The following SLCO3A1 variants were observed in gnomAD, a reference collection of about 807,000 sequenced individuals.
The protein encoded by SLCO3A1 is solute carrier organic anion transporter family member 3A1.
A neutral mutation model predicts 63.1 loss-of-function variants in SLCO3A1; 27 were observed. The observed-to-expected ratio is 0.43, with a 90% CI of 0.32 to 0.59. The LOEUF (loss-of-function observed/expected upper bound fraction) is 0.59, where lower values mean the gene tolerates loss of function less well. Among genes scored for constraint, SLCO3A1 ranks in the 20% least tolerant of loss-of-function variants. The pLI is 0.09. For missense variants in SLCO3A1, 773 were observed against 945.8 expected (o/e 0.82, Z 2.40); for synonymous variants, 473 against 409.9 (o/e 1.15, Z -1.86).
chr15:92,063,716 G>T lies in SLCO3A1; in HGVS notation c.647-31165G>T, dbSNP rs139877820. Reference sequence around the variant, plus strand: ...AATACAAAAATTAGCCAGGCATGGTGGCGCGTACCTGTAGTCCCAGCTACT... The same window carrying T: ...AATACAAAAATTAGCCAGGCATGGTTGCGCGTACCTGTAGTCCCAGCTACT... On this transcript the variant is annotated intron_variant, in intron 2 of 9. Transcript: ENST00000318445. Among the ~76,000 whole-genome samples, 16 of 152,280 alleles carry T rather than the reference G, an allele frequency of 1.1e-4. No individual in the cohort carries two copies. In the East Asian group the frequency reaches 3.1e-3, roughly 29 times the overall value.
chr15:92,168,520 G>C (rs2048505065), downstream of SLCO3A1, among the ~76,000 whole-genome samples: 1 of 152,246 alleles, frequency 6.6e-6, no homozygotes, highest in Non-Finnish European at 1.5e-5. Context: ...CGGTGACTGA[G>C]GGAAGGCCAT....
At chr15:92,140,769 A>C (rs749980571) in intron 7 of SLCO3A1, among the ~76,000 whole-genome samples, 12 of 152,134 alleles carry the variant, frequency 7.9e-5, no homozygotes, top group Non-Finnish European at 1.8e-4. Context: ...TTGTTGGTTT[A>C]AAGTCTGTTT....
At chr15:92,120,314 G>A (rs2047848225) in intron 4 of SLCO3A1, 151 bp from the exon 5 acceptor site, 2 of 707,608 alleles carry the variant, frequency 2.8e-6, no homozygotes, top group East Asian at 5.2e-5. Context: ...ATGGGGTGTA[G>A]ATTTTGGCCT....
chr15:92,011,102 C>T (rs1034650783), intron 2 of SLCO3A1, among the ~76,000 whole-genome samples: 1 of 152,210 alleles, frequency 6.6e-6, no homozygotes, highest in Non-Finnish European at 1.5e-5. Context: ...TGCCACACTC[C>T]TCTTCTCTCA....
At chr15:91,874,427 C>T (rs1179075933) in intron 1 of SLCO3A1, among the ~76,000 whole-genome samples, 3 of 152,210 alleles carry the variant, frequency 2.0e-5, no homozygotes, top group African/African-American at 7.2e-5. Context: ...CCCCTTCCCC[C>T]AGCCCTGGCC....
At chr15:91,902,803 C>T (rs141922110) in intron 1 of SLCO3A1, among the ~76,000 whole-genome samples, 99 of 152,230 alleles carry the variant, frequency 6.5e-4, no homozygotes, top group African/African-American at 2.3e-3. Flanking sequence ...ACTCTGGCAC[C>T]GGATTGCCTG....
chr15:92,157,044 G>GTTATGCATTGAAATATA (rs2048379701), intron 9 of SLCO3A1: 1 of 152,096 alleles, frequency 6.6e-6, no homozygotes, highest in African/African-American at 2.4e-5. Flanking sequence ...TGTGCAGCAA[G>GTTATGCATTGAAATATA]TTATGCATTG....
intron 1 of SLCO3A1, among the ~76,000 whole-genome samples, chr15:91,893,002 G>A (rs750708564): frequency 1.3e-5 from 2 of 152,186 alleles, no homozygotes; most frequent in African/African-American, 2.4e-5. Context: ...AGTAATAGGT[G>A]CTGAATAAGG....
intron 6 of SLCO3A1, among the ~76,000 whole-genome samples, chr15:92,128,123 T>C (rs1359013268): frequency 6.6e-6 from 1 of 152,122 alleles, no homozygotes. Flanking sequence ...GCTGGCATCA[T>C]TGGCCAGGGC....
chr15:92,074,015 C>T (rs531210573), intron 2 of SLCO3A1, among the ~76,000 whole-genome samples: 1 of 152,242 alleles, frequency 6.6e-6, no homozygotes, highest in Admixed American at 6.5e-5. Flanking sequence ...ACTAAAAGTA[C>T]AAAAAATTAG....
intron 2 of SLCO3A1, among the ~76,000 whole-genome samples, chr15:92,003,783 A>G (rs2046282639): frequency 6.6e-6 from 1 of 152,192 alleles, no homozygotes. Context: ...CACCAGCCAG[A>G]AGATGACACC....
At chr15:91,946,977 G>C (rs546121222) in intron 2 of SLCO3A1, among the ~76,000 whole-genome samples, 4 of 152,316 alleles carry the variant, frequency 2.6e-5, no homozygotes, top group African/African-American at 9.6e-5. Flanking sequence ...GACAGGATGA[G>C]TCAATGGTGC....
At chr15:91,906,148 G>A (rs545559742) in intron 1 of SLCO3A1, among the ~76,000 whole-genome samples, 89 of 152,298 alleles carry the variant, frequency 5.8e-4, no homozygotes, top group Non-Finnish European at 1.1e-3. Context: ...GTCAGAATAC[G>A]TAAAGCGCTC....
chr15:92,088,661 T>C lies in SLCO3A1; in HGVS notation c.647-6220T>C, dbSNP rs187483612. Among the ~76,000 whole-genome samples, 365 of 152,312 alleles carry C rather than the reference T, an allele frequency of 2.4e-3. 4 individuals carry two copies. The highest frequency in any genetic ancestry group is 7.8e-3 in the African/African-American group (324 of 41,558). On this transcript the variant is annotated intron_variant, in intron 2 of 9. Transcript: ENST00000318445. ...AATCTGTTTTGTTGCCTTCTCCAGC[T>C]TCTATAGGCTGCCCACAAGCTTTGG...
At chr15:91,951,886 T>G (rs942589418) in intron 2 of SLCO3A1, among the ~76,000 whole-genome samples, 7 of 152,338 alleles carry the variant, frequency 4.6e-5, no homozygotes, top group African/African-American at 1.4e-4. Flanking sequence ...AACGTGCATT[T>G]TTGATTCTCT....
chr15:91,876,648 G>A (rs1054856485), intron 1 of SLCO3A1, among the ~76,000 whole-genome samples: 6 of 152,238 alleles, frequency 3.9e-5, no homozygotes, highest in African/African-American at 1.4e-4. Context: ...TCTGAGGCTG[G>A]CAAGCATGGG....
rs552934654 is a variant in SLCO3A1, at chr15:91,962,825, G to A, written c.646+46367G>A. ...GAGATGCAGATGAGCTGGGAAAGGA[G>A]AGAGTTTATTTCTGGAGCCGGGTAC... is the stretch of plus-strand genomic sequence containing the variant. On this transcript the variant is annotated intron_variant, in intron 2 of 9. Coordinates refer to ENST00000318445, the MANE Select transcript of SLCO3A1 (RefSeq NM_013272.4). 5.3e-5 allele frequency among the ~76,000 whole-genome samples: 8 copies of A among 152,286 alleles called. No homozygotes were observed. In the South Asian group the frequency reaches 1.7e-3, roughly 32 times the overall value.
At chr15:92,137,127 C>A (rs1261202139) in intron 7 of SLCO3A1, among the ~76,000 whole-genome samples, 1 of 143,138 alleles carries the variant, frequency 7.0e-6, no homozygotes, top group Non-Finnish European at 1.5e-5. Flanking sequence ...TCCCCCGTCC[C>A]CCCACCCCAC....
intron 2 of SLCO3A1, among the ~76,000 whole-genome samples, chr15:92,088,551 G>A (rs567504446): frequency 3.9e-5 from 6 of 152,192 alleles, no homozygotes; most frequent in African/African-American, 7.2e-5. Context: ...GTTATCTTAC[G>A]CTTCTGGAGG....
Sources: gnomAD v4.1 joint callset for allele counts (sites outside exome capture counted in the v4.1 genomes callset) on GRCh38, gnomAD v4.1.1 for gene constraint, MANE v1.5 for transcripts, NCBI Gene and HGNC (gene_info 2026-07-23, HGNC 2026-07-21) for gene names.